The following OAS3 variants were observed in gnomAD, a reference collection of about 807,000 sequenced individuals.
The protein encoded by OAS3 is 2'-5'-oligoadenylate synthetase 3, also known as 2'-5'-oligoadenylate synthase 3.
In OAS3, 107 loss-of-function variants were observed where a neutral mutation model predicts 113.0. The observed-to-expected ratio is 0.95, with a 90% CI of 0.81 to 1.11. The LOEUF is 1.11. Ranked by LOEUF, OAS3 falls within the 50% of genes most tolerant of loss-of-function variation. The pLI, the probability that OAS3 is intolerant of heterozygous loss-of-function variation, is 0.00. For synonymous variants in OAS3, 552 were observed against 573.6 expected (o/e 0.96, Z 0.54); for missense variants, 1,258 against 1,389.1 (o/e 0.91, Z 1.50).
At chr12:112,947,868 G>A in intron 4 of OAS3, 78 bp from the exon 5 acceptor site, 1 of 1,300,810 alleles carries the variant, frequency 7.7e-7, no homozygotes, top group Non-Finnish European at 1.0e-6. Context: ...AAGTAGCAGA[G>A]ATGCGATTGG....
At chr12:112,964,758 T>C (rs1009933212) in intron 11 of OAS3, among the ~76,000 whole-genome samples, 3 of 152,146 alleles carry the variant, frequency 2.0e-5, no homozygotes, top group African/African-American at 7.2e-5. Context: ...GGTTCTGCTT[T>C]TTAATGTCTT....
rs776681378 is a variant in OAS3 at position 112,946,942 on chromosome 12, C to T, written c.836C>T (p.Ala279Val). ...WTVNYGFEDP[A>V]VGQFLQRQLK... ...GTCAACTATGGCTTCGAGGACCCTG[C>T]AGTTGGGCAGTTCTTGCAGCGGCAG... The change falls in exon 4 of 16, where the codon GCA becomes GTA. Residue 279 changes from alanine to valine, a missense_variant. By Grantham distance (64) the Ala-to-Val change is moderately conservative. Coordinates refer to ENST00000228928, the MANE Select transcript of OAS3 (RefSeq NM_006187.4). 1.2e-6 allele frequency: 2 copies of T among 1,613,908 alleles called. No individual in the cohort carries two copies. Among genetic ancestry groups the T allele is most frequent in the African/African-American group, 2.7e-5 (2 of 74,936 alleles).
intron 7 of OAS3, among the ~76,000 whole-genome samples, chr12:112,957,030 G>A (rs2043841317): frequency 6.6e-6 from 1 of 152,174 alleles, no homozygotes; most frequent in East Asian, 1.9e-4. Flanking sequence ...CCTGTATTGG[G>A]CGCATATATA....
intron 8 of OAS3, among the ~76,000 whole-genome samples, chr12:112,961,880 C>T (rs1214106962): frequency 2.0e-5 from 3 of 152,052 alleles, no homozygotes; most frequent in East Asian, 3.9e-4. Context: ...GCTGCAGCCT[C>T]GACCTTCTGG....
At position 112,950,736 on chromosome 12, in the gene OAS3, ATGT is replaced by A; in HGVS notation, c.1421_1423del (p.Val474del). The A allele has an allele frequency of 6.2e-7, 1 of 1,613,996 alleles. No individual in the cohort carries two copies. Among genetic ancestry groups the A allele is most frequent in the Non-Finnish European group, 8.5e-7 (1 of 1,179,888 alleles). On this transcript the variant is annotated inframe_deletion, in exon 7 of 16. Transcript: ENST00000228928. ...GGCACAGACCTAAGGGATGGCTGTG[ATGT>A]TGAACTCATCATCTTCCTCAACTGC... is the stretch of plus-strand genomic sequence containing the variant.
At chr12:112,955,887 A>C (rs192680428) in intron 7 of OAS3, among the ~76,000 whole-genome samples, 1 of 152,240 alleles carries the variant, frequency 6.6e-6, no homozygotes, top group East Asian at 1.9e-4. Context: ...TTTTCTATTG[A>C]TTGGAAAAGT....
At chr12:112,948,696 T>C (rs2043756969) in intron 5 of OAS3, among the ~76,000 whole-genome samples, 165 bp from the exon 6 acceptor site, 1 of 152,086 alleles carries the variant, frequency 6.6e-6, no homozygotes, top group Non-Finnish European at 1.5e-5. Flanking sequence ...CTTTTTCAAC[T>C]CTGCCCAAAG....
At chr12:112,952,422 C>T (rs969084806) in intron 7 of OAS3, among the ~76,000 whole-genome samples, 3 of 152,104 alleles carry the variant, frequency 2.0e-5, no homozygotes, top group Admixed American at 2.0e-4. Context: ...ACAGGCAGCA[C>T]AAAGCTAAAA....
intron 7 of OAS3, among the ~76,000 whole-genome samples, chr12:112,959,609 C>G (rs1175859120): frequency 6.6e-6 from 1 of 152,050 alleles, no homozygotes; most frequent in Non-Finnish European, 1.5e-5. Flanking sequence ...CTGCCTCTCC[C>G]CTATTTTGTC....
rs190686705 is a variant in OAS3 at position 112,969,756 on chromosome 12, G to A, written c.3252+1G>A. 22 of 1,612,124 alleles carry A rather than the reference G, an allele frequency of 1.4e-5. No individual in the cohort carries two copies. In the East Asian group the frequency reaches 3.1e-4, roughly 23 times the overall value. ...CCCCATCCAGCCATGGCCAGTGAAG[G>A]TGAGAGATCTGTGGTGCCAAAGGAA... On this transcript the variant is annotated splice_donor_variant, in intron 15 of 15. Coordinates refer to ENST00000228928, the MANE Select transcript of OAS3 (RefSeq NM_006187.4). LOFTEE classifies it high-confidence loss of function.
At position 112,962,919 on chromosome 12, in the gene OAS3, C is replaced by T; in HGVS notation, c.2084+17C>T. On this transcript the variant is annotated intron_variant, in intron 9 of 15. Coordinates refer to ENST00000228928, the MANE Select transcript of OAS3 (RefSeq NM_006187.4). ...AAAACCCAGGTGAAGACCCGCTTCC[C>T]TTTGCCTGGCTTCATTATCCTCCCC... The T allele has an allele frequency of 1.2e-6, 2 of 1,610,872 alleles. No homozygotes were observed. The highest frequency in any genetic ancestry group is 1.7e-6 in the Non-Finnish European group (2 of 1,177,334).
rs948790920 is a variant in OAS3, at chr12:112,963,550, A to G, written c.2229+93A>G. The G allele has an allele frequency of 6.2e-6, 8 of 1,295,232 alleles. No homozygotes were observed. The African/African-American group carries it at 1.1e-4, about 17-fold the overall frequency. The allele number at this position is 1,295,232 out of a possible 1,614,324, so 80.2% of individuals were successfully genotyped here. On this transcript the variant is annotated intron_variant, in intron 10 of 15. Coordinates refer to ENST00000228928, the MANE Select transcript of OAS3 (RefSeq NM_006187.4). This position sits in a 1 kb window ranked among gnomAD's most constrained non-coding sequence, Gnocchi z 4.6. ...GCCGGTGCACCCATCCCCAGCTGCT[A>G]GGAGTGTTGGTGGCTGACAACTCAT...
chr12:112,944,587 T>C lies in OAS3; in HGVS notation c.572T>C (p.Phe191Ser). Reference protein sequence around the residue: ...AACFTELRRNFVNIRPAKLKN... With the variant: ...AACFTELRRNSVNIRPAKLKN... ...TGCTTCACAGAGCTGCGGAGGAACT[T>C]TGTGAACATTCGCCCAGCCAAGTTG... The change falls in exon 3 of 16, where the codon TTT (phenylalanine) becomes TCT (serine). Residue 191 changes from phenylalanine to serine, a missense_variant. Transcript: ENST00000228928. 6.2e-7 allele frequency: 1 copy of C among 1,614,072 alleles called. No homozygotes were observed. Among genetic ancestry groups the C allele is most frequent in the Non-Finnish European group, 8.5e-7 (1 of 1,179,900 alleles).
At chr12:112,957,278 T>C (rs2043843857) in intron 7 of OAS3, among the ~76,000 whole-genome samples, 2 of 152,224 alleles carry the variant, frequency 1.3e-5, no homozygotes, top group Non-Finnish European at 2.9e-5. Context: ...TGATGGGTCT[T>C]GACTCTATCC....
chr12:112,941,680 G>A lies in OAS3; in HGVS notation c.288G>A (p.Glu96=). The part of the protein sequence containing the change: ...SYVDQRARRA[E]ILSEMRASLE... ...TGGACCAGAGGGCCCGCCGTGCAGA[G>A]ATCCTCAGTGAGATGCGGGCATCGC... Residue 96 remains glutamate, a synonymous_variant, in exon 2 of 16, where the codon GAG becomes GAA. Transcript: ENST00000228928. 6.2e-7 allele frequency: 1 copy of A among 1,614,062 alleles called. No individual in the cohort carries two copies. The highest frequency in any genetic ancestry group is 1.6e-4 in the Middle Eastern group (1 of 6,062).
intron 2 of OAS3, among the ~76,000 whole-genome samples, chr12:112,942,621 G>C (rs1449043072): frequency 1.3e-5 from 2 of 151,884 alleles, no homozygotes; most frequent in African/African-American, 4.8e-5. Context: ...GAGAGGCTGA[G>C]GTGGGAGGAT....
In OAS3 at chr12:112,965,776, A is replaced by G; in HGVS notation, c.2436A>G (p.Arg812=). Residue 812 remains arginine, a synonymous_variant, in exon 12 of 16, where the codon CGA becomes CGG. Transcript: ENST00000228928. The stretch of plus-strand genomic sequence containing the variant: ...CTTCAGCCAAAGGCACAGCTCTGCG[A>G]GGCCGCTCAGATGCCGACCTCGTGG... ...GGSSAKGTAL[R]GRSDADLVVF... is the part of the protein sequence containing the mutation. The G allele has an allele frequency of 4.3e-6, 7 of 1,613,142 alleles. No homozygotes were observed. Among genetic ancestry groups the G allele is most frequent in the Non-Finnish European group, 5.1e-6 (6 of 1,179,842 alleles).
chr12:112,965,668 T>C (rs2043926119), intron 11 of OAS3, 76 bp from the exon 12 acceptor site: 3 of 1,404,910 alleles, frequency 2.1e-6, no homozygotes. Flanking sequence ...ACACAGTAGG[T>C]TTTCTAACTC....
chr12:112,956,029 A>C (rs1266158878), intron 7 of OAS3, among the ~76,000 whole-genome samples: 1 of 152,168 alleles, frequency 6.6e-6, no homozygotes, highest in African/African-American at 2.4e-5. Context: ...TTATTGGTCT[A>C]TTCAGGGATT....
Sources: gnomAD v4.1 joint callset for allele counts (sites outside exome capture counted in the v4.1 genomes callset) on GRCh38, gnomAD v4.1.1 for gene constraint, Gnocchi (gnomAD v3.1) non-coding constraint, MANE v1.5 for transcripts, NCBI Gene and HGNC (gene_info 2026-07-23, HGNC 2026-07-21) for gene names.